Variants in EXOC6 observed in about 807,000 individuals in gnomAD.
EXOC6 encodes the protein SEC15-like 1.
A neutral mutation model predicts 112.5 loss-of-function variants in EXOC6; 60 were observed. The observed-to-expected ratio is 0.53, with a 90% CI of 0.43 to 0.66. The LOEUF (loss-of-function observed/expected upper bound fraction) is 0.66. EXOC6 is among the 30% of genes least tolerant of loss of function. EXOC6 has a pLI of 0.00. For missense variants in EXOC6, 855 were observed against 957.1 expected, an observed-to-expected ratio of 0.89 and a Z score of 1.41; for synonymous variants, 295 against 308.0, an observed-to-expected ratio of 0.96 and a Z score of 0.44.
At chr10:92,850,270 C>T (rs968549401) in intron 1 of EXOC6, among the ~76,000 whole-genome samples, 1 of 152,162 alleles carries the variant, frequency 6.6e-6, no homozygotes, top group Admixed American at 6.5e-5. Flanking sequence ...TTTTGGGACA[C>T]TCAGGAACAG....
intron 18 of EXOC6, among the ~76,000 whole-genome samples, chr10:92,994,039 T>C (rs1843375157): frequency 1.3e-5 from 2 of 152,244 alleles, no homozygotes; most frequent in African/African-American, 2.4e-5. Context: ...GGCTGGTTAA[T>C]TGTGTTACTG....
At chr10:93,033,856 G>A (rs1009583429) in intron 20 of EXOC6, among the ~76,000 whole-genome samples, 14 of 152,192 alleles carry the variant, frequency 9.2e-5, no homozygotes, top group Non-Finnish European at 1.8e-4. Context: ...GCAGTAATGA[G>A]ATAAAGTTGA....
In EXOC6 at chr10:92,976,690, A is replaced by C. The variant is rs897091524; in HGVS notation, c.1953+2458A>C. The stretch of plus-strand genomic sequence containing the variant: ...AAAAATAATAAATTAAAAAAAAAAA[A>C]ACATAATTAATGGCTTTTCCAGTTA... On this transcript the variant is annotated intron_variant, in intron 18 of 21. Transcript: ENST00000260762. Among the ~76,000 whole-genome samples, 43 of 151,964 alleles carry C rather than the reference A, an allele frequency of 2.8e-4. 1 individual carries two copies. Among genetic ancestry groups the C allele is most frequent in the Non-Finnish European group, 4.6e-4 (31 of 68,018 alleles).
intron 20 of EXOC6, among the ~76,000 whole-genome samples, chr10:93,054,982 A>T (rs1846472999): frequency 1.3e-5 from 2 of 152,162 alleles, no homozygotes; most frequent in Admixed American, 1.3e-4. Flanking sequence ...CCTTAATCCC[A>T]CCACATAAAT....
rs543651668 is a variant in EXOC6, at chr10:92,955,691, C to G, written c.1750C>G (p.Leu584Val). ...CCAAGAAACTGTTCATACTACAAGA[C>G]TTTATGGACTTTCTACTTTCAAGGT... ...ISQETVHTTR[L>V]YGLSTFKDAR... The change falls in exon 17 of 22, where the codon CTT becomes GTT. Residue 584 changes from leucine (L) to valine (V), a missense_variant. By Grantham distance (32) the Leu-to-Val change is conservative. Transcript: ENST00000260762. 6.2e-7 allele frequency: 1 copy of G among 1,610,406 alleles called. No homozygotes were observed. Among genetic ancestry groups the G allele is most frequent in the South Asian group, 1.1e-5 (1 of 90,470 alleles).
At chr10:93,047,614 G>A (rs532650677) in intron 20 of EXOC6, among the ~76,000 whole-genome samples, 7 of 151,742 alleles carry the variant, frequency 4.6e-5, no homozygotes, top group Admixed American at 4.6e-4. Flanking sequence ...TATTTAGGAA[G>A]TTAAATTGGT....
chr10:93,028,403 C>A (rs1781866669), intron 20 of EXOC6, among the ~76,000 whole-genome samples: 1 of 152,180 alleles, frequency 6.6e-6, no homozygotes, highest in African/African-American at 2.4e-5. Context: ...GAAACTAGAA[C>A]TGGAGCCTGA....
intron 1 of EXOC6, among the ~76,000 whole-genome samples, chr10:92,841,884 C>G (rs1175895418): frequency 6.6e-6 from 1 of 152,156 alleles, no homozygotes; most frequent in Non-Finnish European, 1.5e-5. Flanking sequence ...AGCAAATGCT[C>G]ATTCACTCAT....
At chr10:92,831,050 C>G (rs1846466248), upstream of EXOC6, among the ~76,000 whole-genome samples, 1 of 152,076 alleles carries the variant, frequency 6.6e-6, no homozygotes, top group East Asian at 1.9e-4. Context: ...GAACTTCCGG[C>G]AGGAAATGGC....
Position 92,940,720 on chromosome 10 carries a change from A to C in EXOC6, c.1213-7A>C. ...TTTATCTGCTTTTTTTTTTTTTTGT[A>C]TTTTAGGGTTATGGTTTTCCAGTGA... On this transcript the variant is annotated splice_region_variant and splice_polypyrimidine_tract_variant and intron_variant, in intron 12 of 21. Coordinates refer to ENST00000260762, the MANE Select transcript of EXOC6 (RefSeq NM_019053.6). 1 of 1,303,172 alleles carries C rather than the reference A, an allele frequency of 7.7e-7. No individual in the cohort carries two copies. The highest frequency in any genetic ancestry group is 3.0e-5 in the Admixed American group (1 of 33,800). 80.7% of individuals were successfully genotyped at this position (1,303,172 alleles called of 1,614,324 possible).
chr10:93,034,787 G>T (rs540456812), intron 20 of EXOC6, among the ~76,000 whole-genome samples: 1 of 152,198 alleles, frequency 6.6e-6, no homozygotes, highest in African/African-American at 2.4e-5. Context: ...ATCTTCTTTT[G>T]TTTGCATTAT....
chr10:92,944,211 T>C (rs1341642345), intron 13 of EXOC6, among the ~76,000 whole-genome samples: 1 of 150,028 alleles, frequency 6.7e-6, no homozygotes, highest in African/African-American at 2.5e-5. Context: ...AGATAACTCT[T>C]TGAGATACCG....
intron 16 of EXOC6, 141 bp downstream of exon 16, chr10:92,954,882 A>G (rs543542665): frequency 9.5e-5 from 49 of 514,792 alleles, no homozygotes; most frequent in Non-Finnish European, 1.4e-4. Flanking sequence ...AAATAAAAAC[A>G]CCAGTGTAAA....
chr10:92,997,671 T>A, intron 19 of EXOC6, 56 bp downstream of exon 19: 4 of 1,462,404 alleles, frequency 2.7e-6, no homozygotes, highest in Admixed American at 4.2e-5. Flanking sequence ...GCTTAAATTA[T>A]ATGAAAAAAT....
chr10:92,929,458 G>A (rs1387459427), intron 9 of EXOC6, among the ~76,000 whole-genome samples: 3 of 152,136 alleles, frequency 2.0e-5, no homozygotes, highest in African/African-American at 4.8e-5. Flanking sequence ...GAGTTAAACT[G>A]AGCAATTCAC....
chr10:92,843,771 C>T (rs1435627069), upstream of EXOC6, among the ~76,000 whole-genome samples: 2 of 151,990 alleles, frequency 1.3e-5, no homozygotes, highest in East Asian at 1.9e-4. Flanking sequence ...GGGTGGATCA[C>T]GATGTCAGGA....
Position 92,912,742 on chromosome 10 carries a change from C to T in EXOC6, c.664-3016C>T, listed in dbSNP as rs7078134. Among the ~76,000 whole-genome samples, 500 of 152,180 alleles carry T rather than the reference C, an allele frequency of 3.3e-3. 4 individuals are homozygous for T. Among genetic ancestry groups the T allele is most frequent in the African/African-American group, 0.011 (475 of 41,536 alleles). On this transcript the variant is annotated intron_variant, in intron 6 of 21. Coordinates refer to ENST00000260762, the MANE Select transcript of EXOC6 (RefSeq NM_019053.6). ...TTACAAACAATCTATAGAAACAGGACGTGAAGGTAGACAACCAGTCAGACC... is the reference window on the plus strand; with the variant it reads ...TTACAAACAATCTATAGAAACAGGATGTGAAGGTAGACAACCAGTCAGACC...
chr10:93,053,571 A>T (rs1256587108), intron 20 of EXOC6, among the ~76,000 whole-genome samples: 1 of 152,198 alleles, frequency 6.6e-6, no homozygotes, highest in Admixed American at 6.5e-5. Flanking sequence ...AGATACAGGG[A>T]TGTCACTTCA....
chr10:92,904,958 A>G (rs1379760619), intron 5 of EXOC6, among the ~76,000 whole-genome samples: 2 of 151,974 alleles, frequency 1.3e-5, no homozygotes, highest in Non-Finnish European at 2.9e-5. Flanking sequence ...TCTATTTTGA[A>G]TTAATTTTTA....
Sources: allele counts gnomAD v4.1 joint callset (sites outside exome capture counted in the v4.1 genomes callset), GRCh38; gene constraint gnomAD v4.1.1; transcripts MANE v1.5; gene names NCBI Gene and HGNC (gene_info 2026-07-23, HGNC 2026-07-21).